The following DMD variants were observed in gnomAD, a reference collection of about 807,000 sequenced individuals.
DMD encodes mutant dystrophin.
Under a neutral mutation model 330.1 loss-of-function variants are expected in DMD, and 63 were observed. The ratio of observed to expected loss-of-function variants is 0.19; its 90% CI spans 0.16 to 0.24. The LOEUF is 0.24. Ranked by LOEUF, DMD falls within the 10% of genes least tolerant of loss-of-function variation. DMD has a pLI of 1.00. For synonymous variants in DMD, 1,223 were observed against 959.8 expected (o/e 1.27, Z -5.07); for missense variants, 3,344 against 2,684.1 (o/e 1.25, Z -5.43).
chrX:31,859,906 A>G (rs771345241), intron 48 of DMD, among the ~76,000 whole-genome samples: 1 of 112,022 alleles, frequency 8.9e-6, no homozygotes, highest in African/African-American at 3.2e-5. Context: ...TTTAACTTCC[A>G]TTGTTTCTGC....
intron 4 of DMD, among the ~76,000 whole-genome samples, chrX:32,826,789 C>T (rs765578485): frequency 9.0e-6 from 1 of 110,670 alleles, no homozygotes; most frequent in East Asian, 2.8e-4. Context: ...AACATGCTGA[C>T]TTTGGTTAAT....
chrX:31,471,977 C>G (rs1380324768), intron 59 of DMD, among the ~76,000 whole-genome samples: 1 of 112,096 alleles, frequency 8.9e-6, no homozygotes, highest in African/African-American at 3.2e-5. Flanking sequence ...CTCCAAATAA[C>G]AGGAATTAGC....
chrX:31,767,115 T>G (rs1203044124), intron 51 of DMD, among the ~76,000 whole-genome samples: 1 of 111,756 alleles, frequency 8.9e-6, no homozygotes, highest in Non-Finnish European at 1.9e-5. Flanking sequence ...ACATGTACAT[T>G]TGTTGGAAGA....
chrX:33,017,542 T>C (rs922557844), intron 2 of DMD, among the ~76,000 whole-genome samples: 8 of 111,744 alleles, frequency 7.2e-5, no homozygotes, highest in Non-Finnish European at 1.5e-4. Context: ...ACACAATTTT[T>C]CCACCCAGTT....
chrX:32,618,603 T>G (rs2057762059), intron 11 of DMD, among the ~76,000 whole-genome samples: 1 of 110,818 alleles, frequency 9.0e-6, no homozygotes, highest in Non-Finnish European at 1.9e-5. Flanking sequence ...TACAATAAAC[T>G]TCCATGACAC....
intron 49 of DMD, among the ~76,000 whole-genome samples, chrX:31,824,772 TATAAA>T (rs1212032754): frequency 9.0e-6 from 1 of 111,236 alleles, no homozygotes; most frequent in African/African-American, 3.3e-5. Context: ...ATTTTATAAA[TATAAA>T]ATAAACTGTG....
chrX:31,225,236 T>C (rs746053231), intron 63 of DMD, among the ~76,000 whole-genome samples: 35 of 112,352 alleles, frequency 3.1e-4, no homozygotes, highest in Non-Finnish European at 5.6e-4. Context: ...AGGTGGTCAG[T>C]TGTCTTAATC....
At chrX:32,284,509 A>G (rs2097432142) in intron 43 of DMD, among the ~76,000 whole-genome samples, 1 of 112,073 alleles carries the variant, frequency 8.9e-6, no homozygotes, top group African/African-American at 3.2e-5. Context: ...CCATAAGATC[A>G]CCATTTTCAT....
At chrX:32,751,735 CAT>C (rs1292840756) in intron 7 of DMD, among the ~76,000 whole-genome samples, 2 of 112,135 alleles carry the variant, frequency 1.8e-5, no homozygotes, top group Non-Finnish European at 3.8e-5. Context: ...CCTCCCATCA[CAT>C]GTCTGGAGTT....
intron 44 of DMD, among the ~76,000 whole-genome samples, chrX:32,043,314 GC>G (rs2096027364): frequency 8.9e-6 from 1 of 112,172 alleles, no homozygotes; most frequent in Non-Finnish European, 1.9e-5. Context: ...ATAACTGTCA[GC>G]CCCTGGACAC....
chrX:32,354,334 A>G (rs779664898), intron 37 of DMD, among the ~76,000 whole-genome samples: 2 of 111,661 alleles, frequency 1.8e-5, no homozygotes, highest in Admixed American at 1.9e-4. Flanking sequence ...ATTTATCATT[A>G]CAATATTGAT....
chrX:32,166,632 G>T lies in DMD; in HGVS notation c.6438+50284C>A, dbSNP rs757061108. On this transcript the variant is annotated intron_variant, in intron 44 of 78. Transcript: ENST00000357033. ...TGAGCTCCTTGAAAGGACAGCGTTT[G>T]TCTGTTTTTGGTTATCCTTGTGCCT... 1.5e-4 allele frequency among the ~76,000 whole-genome samples: 17 copies of T among 111,345 alleles called. No homozygotes were observed. The South Asian group carries it at 4.5e-3, about 30-fold the overall frequency.
At chrX:33,250,896 A>C (rs1304605674) in intron 1 of DMD, among the ~76,000 whole-genome samples, 5 of 111,351 alleles carry the variant, frequency 4.5e-5, no homozygotes, top group Non-Finnish European at 9.4e-5. Flanking sequence ...AAATATTGAG[A>C]TATAAAAAGT....
At chrX:31,351,371 C>T (rs934059748) in intron 60 of DMD, among the ~76,000 whole-genome samples, 8 of 110,469 alleles carry the variant, frequency 7.2e-5, no homozygotes, top group South Asian at 3.9e-4. Flanking sequence ...GTTTCTGTCA[C>T]GTGGTAATTG....
chrX:32,445,141 G>A (rs914629220), intron 27 of DMD, among the ~76,000 whole-genome samples: 1 of 111,539 alleles, frequency 9.0e-6, no homozygotes, highest in Admixed American at 9.5e-5. Context: ...TAAACACTAC[G>A]AGGTACTATA....
At chrX:33,308,367 G>A (rs1201747646) in intron 1 of DMD, among the ~76,000 whole-genome samples, 1 of 112,029 alleles carries the variant, frequency 8.9e-6, no homozygotes, top group African/African-American at 3.2e-5. Context: ...TTGAGATTTC[G>A]AAATAAATAA....
intron 11 of DMD, among the ~76,000 whole-genome samples, chrX:32,621,776 T>C (rs1321754648): frequency 9.0e-6 from 1 of 110,952 alleles, no homozygotes; most frequent in Non-Finnish European, 1.9e-5. Flanking sequence ...AATAGAGCCC[T>C]GCTTTTTCTC....
chrX:32,035,269 T>A (rs759964960), intron 44 of DMD, among the ~76,000 whole-genome samples: 1 of 111,870 alleles, frequency 8.9e-6, no homozygotes, highest in Non-Finnish European at 1.9e-5. Context: ...TTAAAAAATT[T>A]AAAAAAGAAA....
At position 31,206,664 on chromosome X, in the gene DMD, T is replaced by G; in HGVS notation, c.9567A>C (p.Gly3189=). The change falls in exon 66 of 79, where the codon GGA becomes GGC. Residue 3189 remains glycine (G), a synonymous_variant. Coordinates refer to ENST00000357033, the MANE Select transcript of DMD (RefSeq NM_004006.3). ...LNWLLNVYDT[G]RTGRIRVLSF... The stretch of plus-strand genomic sequence containing the variant: ...ACAGGACACGGATCCTCCCTGTTCG[T>G]CCCCTATTATGAAGAATCAAAGCAG... 2 of 1,204,646 alleles carry G rather than the reference T, an allele frequency of 1.7e-6. No individual in the cohort carries two copies. Among genetic ancestry groups the G allele is most frequent in the Non-Finnish European group, 2.2e-6 (2 of 889,816 alleles).
Sources: allele counts gnomAD v4.1 joint callset (sites outside exome capture counted in the v4.1 genomes callset), GRCh38; gene constraint gnomAD v4.1.1; transcripts MANE v1.5; gene names NCBI Gene and HGNC (gene_info 2026-07-23, HGNC 2026-07-21).